Variants in EML1 observed in about 807,000 individuals in gnomAD.
The protein encoded by EML1 is EMAP like 1.
Under a neutral mutation model 110.4 loss-of-function variants are expected in EML1, and 27 were observed. The ratio of observed to expected loss-of-function variants is 0.24; its 90% CI spans 0.18 to 0.34. The LOEUF is 0.34. EML1 is among the 10% of genes least tolerant of loss of function. The probability of loss-of-function intolerance (pLI) is 1.00; values close to 1 mark genes in which losing one functional copy is unlikely to be tolerated. For synonymous variants in EML1, 344 were observed against 385.8 expected, an observed-to-expected ratio of 0.89 and a Z score of 1.27; for missense variants, 741 against 1,030.9, an observed-to-expected ratio of 0.72 and a Z score of 3.85.
intron 1 of EML1, among the ~76,000 whole-genome samples, chr14:99,775,255 G>A (rs565261862): frequency 1.0e-3 from 159 of 152,222 alleles, no homozygotes; most frequent in Non-Finnish European, 1.7e-3. Context: ...TTCTCAGGGA[G>A]TGCAGAGCTC....
intron 3 of EML1, among the ~76,000 whole-genome samples, chr14:99,876,931 A>G (rs2059302236): frequency 6.6e-6 from 1 of 152,226 alleles, no homozygotes; most frequent in African/African-American, 2.4e-5. Flanking sequence ...AAAATGATAA[A>G]TGAGATAAGA....
chr14:99,748,066 T>A (rs997529092), intron 1 of EML1, among the ~76,000 whole-genome samples: 10 of 152,142 alleles, frequency 6.6e-5, no homozygotes, highest in Non-Finnish European at 1.3e-4. Context: ...CCCCACTCAC[T>A]GCCAAGGCGG....
intron 1 of EML1, among the ~76,000 whole-genome samples, chr14:99,815,465 C>T (rs1461882041): frequency 1.3e-5 from 2 of 152,154 alleles, no homozygotes; most frequent in Admixed American, 1.3e-4. Context: ...AAGAACTGCA[C>T]ACCTTCTAAT....
intron 1 of EML1, among the ~76,000 whole-genome samples, chr14:99,842,987 C>A (rs780840296): frequency 1.3e-5 from 2 of 152,190 alleles, no homozygotes; most frequent in Non-Finnish European, 2.9e-5. Context: ...TGTGGTGGCT[C>A]ATGCCTGTGT....
chr14:99,749,701 A>G (rs927342636), intron 1 of EML1, among the ~76,000 whole-genome samples: 4 of 152,246 alleles, frequency 2.6e-5, no homozygotes, highest in Non-Finnish European at 5.9e-5. Flanking sequence ...AAACATCAGT[A>G]GCGAGGGAGC....
intron 1 of EML1, among the ~76,000 whole-genome samples, chr14:99,840,408 C>T (rs1007730507): frequency 5.3e-5 from 8 of 152,170 alleles, no homozygotes; most frequent in African/African-American, 1.7e-4. Context: ...ACATTCTAGC[C>T]GTGCAACCTT....
At chr14:99,786,041 C>T (rs146380474) in intron 1 of EML1, among the ~76,000 whole-genome samples, 2 of 137,116 alleles carry the variant, frequency 1.5e-5, no homozygotes, top group Non-Finnish European at 3.0e-5. Flanking sequence ...ATGGAGCCTA[C>T]AGTCCACACC....
At chr14:99,760,843 C>T (rs140702516) in intron 1 of EML1, among the ~76,000 whole-genome samples, 446 of 152,202 alleles carry the variant, frequency 2.9e-3, no homozygotes, top group Non-Finnish European at 5.1e-3. Flanking sequence ...AACCAGTACA[C>T]GCAAAGCTGG....
rs986425113 is a variant in EML1 at position 99,940,257 on chromosome 14, G to C, written c.*145G>C. The C allele has an allele frequency of 5.2e-6, 6 of 1,164,064 alleles. No individual in the cohort carries two copies. Among genetic ancestry groups the C allele is most frequent in the Non-Finnish European group, 6.7e-6 (6 of 889,038 alleles). The allele number at this position is 1,164,064 out of a possible 1,614,324, so 72.1% of individuals were successfully genotyped here. A position where few individuals can be genotyped will look rare whatever the true frequency, so the allele number is the denominator to read the frequency against. ...CCTCCGCCGGCTACCTTAGCTTAGC[G>C]TGTCAGCGGGCGCCACAGCGGATCA... is the stretch of plus-strand genomic sequence containing the variant. On this transcript the variant is annotated 3_prime_UTR_variant, in exon 22 of 22. Transcript: ENST00000262233.
chr14:99,906,022 A>G lies in EML1; in HGVS notation c.1009-1616A>G, dbSNP rs74621277. On this transcript the variant is annotated intron_variant, in intron 9 of 21. Coordinates refer to ENST00000262233, the MANE Select transcript of EML1 (RefSeq NM_004434.3). ...GTATCATCCCTTTGGGGTTCACCAG[A>G]AAGATGTTACCAGACCCCACCACTT... is the stretch of plus-strand genomic sequence containing the variant. 5.4e-3 allele frequency among the ~76,000 whole-genome samples: 828 copies of G among 152,236 alleles called. 22 individuals carry two copies. The East Asian group carries it at 0.075, about 14-fold the overall frequency.
chr14:99,746,429 C>A (rs1209235584), intron 1 of EML1, among the ~76,000 whole-genome samples: 1 of 152,148 alleles, frequency 6.6e-6, no homozygotes, highest in Non-Finnish European at 1.5e-5. Flanking sequence ...GAGGCTTGGC[C>A]CTGAGCCCAG....
Position 99,905,478 on chromosome 14 carries a change from C to G in EML1, c.1009-2160C>G, listed in dbSNP as rs1440531837. Reference sequence around the variant, plus strand: ...GGGGAAGGTGAAGAGCTCAGGGAGGCCAGAGAAAGACCTGCCCACTGCAGT... The same window carrying G: ...GGGGAAGGTGAAGAGCTCAGGGAGGGCAGAGAAAGACCTGCCCACTGCAGT... On this transcript the variant is annotated intron_variant, in intron 9 of 21. Coordinates refer to ENST00000262233, the MANE Select transcript of EML1 (RefSeq NM_004434.3). This position sits in a 1 kb window ranked among gnomAD's most constrained non-coding sequence, Gnocchi z 4.1. 6.6e-6 allele frequency among the ~76,000 whole-genome samples: 1 copy of G among 152,136 alleles called. No individual in the cohort carries two copies. Among genetic ancestry groups the G allele is most frequent in the African/African-American group, 2.4e-5 (1 of 41,422 alleles).
In EML1 at chr14:99,940,001, C is replaced by T. The variant is rs760909938; in HGVS notation, c.2337C>T (p.Ile779=). Residue 779 remains isoleucine, a synonymous_variant, in exon 22 of 22, where the codon ATC becomes ATT. Transcript: ENST00000262233. ...PCSQFRAPSH[I]YGGHSSHVTN... Reference sequence around the variant, plus strand: ...ATTCCCTCCAGGCTCCAAGCCACATCTACGGCGGGCACAGCAGCCATGTCA... The same window carrying T: ...ATTCCCTCCAGGCTCCAAGCCACATTTACGGCGGGCACAGCAGCCATGTCA... 1 of 1,578,832 alleles carries T rather than the reference C, an allele frequency of 6.3e-7. No homozygotes were observed. The highest frequency in any genetic ancestry group is 8.6e-7 in the Non-Finnish European group (1 of 1,162,602).
At chr14:99,741,293 CCA>C (rs1049440424) in intron 1 of EML1, among the ~76,000 whole-genome samples, 5 of 152,098 alleles carry the variant, frequency 3.3e-5, no homozygotes, top group African/African-American at 1.2e-4. Context: ...CTGCTCTGGG[CCA>C]CAGTCACCCT....
intron 2 of EML1, among the ~76,000 whole-genome samples, chr14:99,859,085 T>A (rs1033686013): frequency 6.6e-6 from 1 of 152,216 alleles, no homozygotes; most frequent in African/African-American, 2.4e-5. Context: ...TCAACTGTAG[T>A]TTTGAAAATA....
rs569249450 is a variant in EML1, at chr14:99,824,771, C to G, written c.68-26082C>G. On this transcript the variant is annotated intron_variant, in intron 1 of 21. Coordinates refer to ENST00000262233, the MANE Select transcript of EML1 (RefSeq NM_004434.3). Reference sequence around the variant, plus strand: ...AATAGGCGATTTTCAATCCTCCCCCCTCCTACCCTCCACCCTTTTGGAGCC... The same window carrying G: ...AATAGGCGATTTTCAATCCTCCCCCGTCCTACCCTCCACCCTTTTGGAGCC... Among the ~76,000 whole-genome samples, 26 of 152,226 alleles carry G rather than the reference C, an allele frequency of 1.7e-4. No individual in the cohort carries two copies. In the East Asian group the frequency reaches 4.4e-3, roughly 26 times the overall value.
At chr14:99,873,391 G>A (rs1165794499) in intron 3 of EML1, among the ~76,000 whole-genome samples, 1 of 152,206 alleles carries the variant, frequency 6.6e-6, no homozygotes, top group Non-Finnish European at 1.5e-5. Context: ...AGCCAGTGCT[G>A]GGTACATAGC....
At chr14:99,860,765 T>C (rs1012603459) in intron 2 of EML1, among the ~76,000 whole-genome samples, 1 of 152,150 alleles carries the variant, frequency 6.6e-6, no homozygotes, top group Admixed American at 6.6e-5. Context: ...ATCCAACTTC[T>C]CAGTCATTCC....
intron 1 of EML1, among the ~76,000 whole-genome samples, chr14:99,804,563 T>C (rs1352706612): frequency 1.3e-5 from 2 of 152,222 alleles, no homozygotes; most frequent in East Asian, 1.9e-4. Flanking sequence ...CTGGCTCCAC[T>C]GTCCATGGTA....
Sources: allele counts gnomAD v4.1 joint callset (sites outside exome capture counted in the v4.1 genomes callset), GRCh38; gene constraint gnomAD v4.1.1; non-coding constraint Gnocchi (gnomAD v3.1); transcripts MANE v1.5; gene names NCBI Gene and HGNC (gene_info 2026-07-23, HGNC 2026-07-21).